Variants in RBFOX3 observed in about 807,000 individuals in gnomAD.
RBFOX3 encodes the protein RNA binding protein fox-1 homolog 3.
A neutral mutation model predicts 48.7 loss-of-function variants in RBFOX3; 17 were observed. The observed-to-expected ratio is 0.35, with a 90% confidence interval of 0.24 to 0.52. The LOEUF (loss-of-function observed/expected upper bound fraction) is 0.52. Ranked by LOEUF, RBFOX3 falls within the 20% of genes least tolerant of loss-of-function variation. The pLI is 0.94. For missense variants in RBFOX3, 382 were observed against 497.5 expected (o/e 0.77, Z 2.21); for synonymous variants, 212 against 209.5 (o/e 1.01, Z -0.10).
the RBFOX3 span, among the ~76,000 whole-genome samples, chr17:79,665,249 T>C: frequency 2.6e-5 from 4 of 152,198 alleles, 1 homozygote; most frequent in Non-Finnish European, 4.4e-5. Flanking sequence ...TTACATCCCC[T>C]TTTTATCTCT....
Position 79,093,956 on chromosome 17 carries a change from C to A in RBFOX3, c.1077+495G>T, listed in dbSNP as rs181890149. Among the ~76,000 whole-genome samples, 209 of 152,258 alleles carry A rather than the reference C, an allele frequency of 1.4e-3. 1 individual carries two copies. Among genetic ancestry groups the A allele is most frequent in the African/African-American group, 4.7e-3 (195 of 41,548 alleles). On this transcript the variant is annotated intron_variant, in intron 14 of 14. Coordinates refer to ENST00000693108, the MANE Select transcript of RBFOX3 (RefSeq NM_001350451.2). Reference sequence around the variant, plus strand: ...GCCCCCAGGAAGCCAGGAGCTAGAGCCTGGTGAGAAGCAACCGGTAACCCA... The same window carrying A: ...GCCCCCAGGAAGCCAGGAGCTAGAGACTGGTGAGAAGCAACCGGTAACCCA...
At chr17:79,626,474 G>A in the RBFOX3 span, among the ~76,000 whole-genome samples, 2 of 152,228 alleles carry the variant, frequency 1.3e-5, no homozygotes, top group Non-Finnish European at 2.9e-5. Context: ...TGTCTCCGGG[G>A]CTTAATACTA....
chr17:79,267,872 G>T (rs916823086), intron 3 of RBFOX3, among the ~76,000 whole-genome samples: 4 of 152,292 alleles, frequency 2.6e-5, no homozygotes, highest in African/African-American at 7.2e-5. Flanking sequence ...CTAGGAACGC[G>T]CAAGGCAGAG....
At chr17:79,460,641 A>G (rs2075255755) in intron 2 of RBFOX3, among the ~76,000 whole-genome samples, 1 of 152,244 alleles carries the variant, frequency 6.6e-6, no homozygotes, top group Non-Finnish European at 1.5e-5. Flanking sequence ...GGGGCCTAAC[A>G]AAGGTAATGA....
At chr17:79,293,983 G>T (rs567342904) in intron 3 of RBFOX3, among the ~76,000 whole-genome samples, 3 of 152,290 alleles carry the variant, frequency 2.0e-5, no homozygotes, top group Non-Finnish European at 4.4e-5. Context: ...GTCAACTAGG[G>T]CAGGGGAAGC....
At chr17:79,283,645 G>T (rs2071139377) in intron 3 of RBFOX3, among the ~76,000 whole-genome samples, 1 of 152,182 alleles carries the variant, frequency 6.6e-6, no homozygotes, top group African/African-American at 2.4e-5. Context: ...TAGAGACCTG[G>T]TGGGAGGATG....
At chr17:79,156,325 C>T (rs1406328607) in intron 4 of RBFOX3, among the ~76,000 whole-genome samples, 1 of 152,214 alleles carries the variant, frequency 6.6e-6, no homozygotes, top group Admixed American at 6.5e-5. Flanking sequence ...AGGCACCAAC[C>T]ATGGCTTCTC....
rs766164895 is a variant in RBFOX3 at position 79,212,303 on chromosome 17, G to A, written c.-34+23463C>T. Among the ~76,000 whole-genome samples, 5 of 152,078 alleles carry A rather than the reference G, an allele frequency of 3.3e-5. No homozygotes were observed. The highest frequency in any genetic ancestry group is 4.8e-5 in the African/African-American group (2 of 41,406). ...AGGGCTGCTCCGCCTGGGCTCCTAC[G>A]TGACTCCTTTCTCCTCCTCCCCTCC... On this transcript the variant is annotated intron_variant, in intron 4 of 14. Coordinates refer to ENST00000693108, the MANE Select transcript of RBFOX3 (RefSeq NM_001350451.2). The surrounding 1 kb of genome is among the most constrained non-coding windows in gnomAD (Gnocchi z 4.7).
chr17:79,173,880 C>A (rs80147617), intron 4 of RBFOX3, among the ~76,000 whole-genome samples: 4,248 of 149,214 alleles, frequency 0.028, 194 homozygotes, highest in African/African-American at 0.1. Context: ...GAGTACAGAG[C>A]TTTGCACACG....
intron 9 of RBFOX3, chr17:79,099,535 G>C (rs552566131): frequency 1.3e-5 from 2 of 152,414 alleles, no homozygotes; most frequent in Non-Finnish European, 2.9e-5. Context: ...CCCAAGCCCA[G>C]ACTCCCCGGG....
intron 2 of RBFOX3, among the ~76,000 whole-genome samples, chr17:79,359,116 T>G (rs1455330839): frequency 1.3e-5 from 2 of 152,264 alleles, no homozygotes; most frequent in East Asian, 3.9e-4. Context: ...ATTTTATGAG[T>G]GAGGAAGTAA....
Position 79,249,222 on chromosome 17 carries a change from C to T in RBFOX3, c.-73-13417G>A, listed in dbSNP as rs8068871. Among the ~76,000 whole-genome samples the T allele has an allele frequency of 0.33, 50,846 of 151,968 alleles. 10,173 individuals are homozygous for T. The highest frequency in any genetic ancestry group is 0.54 in the Middle Eastern group (158 of 294). On this transcript the variant is annotated intron_variant, in intron 3 of 14. Transcript: ENST00000693108. The surrounding 1 kb of genome is among the most constrained non-coding windows in gnomAD (Gnocchi z 4.1). ...GCTTGCTGGGGCGTCGAAAGCCAAG[C>T]GCGCTCAGGTCTTCAAAGCCACCGT...
intron 2 of RBFOX3, among the ~76,000 whole-genome samples, chr17:79,434,990 G>T (rs1598675871): frequency 1.3e-5 from 2 of 152,308 alleles, no homozygotes; most frequent in South Asian, 4.1e-4. Flanking sequence ...TCCGTGCAAA[G>T]AAAACACCAA....
intron 3 of RBFOX3, among the ~76,000 whole-genome samples, chr17:79,256,937 AC>A (rs1424811989): frequency 1.0e-5 from 1 of 98,068 alleles, no homozygotes. Context: ...AAACAAACAA[AC>A]AAAACAAAAC....
intron 1 of RBFOX3, among the ~76,000 whole-genome samples, chr17:79,571,402 G>A (rs1310554326): frequency 1.3e-5 from 2 of 152,232 alleles, no homozygotes; most frequent in African/African-American, 4.8e-5. Flanking sequence ...TCTCCCTTCT[G>A]CCTATGCCTG....
chr17:79,340,593 T>C (rs2081932604), intron 2 of RBFOX3, among the ~76,000 whole-genome samples: 1 of 152,140 alleles, frequency 6.6e-6, no homozygotes, highest in South Asian at 2.1e-4. Flanking sequence ...TTGGGGGTGA[T>C]TAAAGGCAAC....
chr17:79,518,350 T>C (rs1231620521), intron 1 of RBFOX3, among the ~76,000 whole-genome samples: 1 of 152,348 alleles, frequency 6.6e-6, no homozygotes, highest in African/African-American at 2.4e-5. Context: ...CAGCTACAAA[T>C]GTGCGAGTGA....
At chr17:79,649,551 C>T in the RBFOX3 span, among the ~76,000 whole-genome samples, 2 of 152,136 alleles carry the variant, frequency 1.3e-5, no homozygotes, top group Non-Finnish European at 2.9e-5. Flanking sequence ...ACGAAAAATA[C>T]AAAAACTAGC....
chr17:79,377,560 A>G (rs1459091838), intron 2 of RBFOX3, among the ~76,000 whole-genome samples: 2 of 151,970 alleles, frequency 1.3e-5, no homozygotes, highest in African/African-American at 4.8e-5. Flanking sequence ...CGGCCGAGGA[A>G]CTCCCCTTTG....
Sources: allele counts gnomAD v4.1 joint callset (sites outside exome capture counted in the v4.1 genomes callset), GRCh38; gene constraint gnomAD v4.1.1; non-coding constraint Gnocchi (gnomAD v3.1); transcripts MANE v1.5; gene names NCBI Gene and HGNC (gene_info 2026-07-23, HGNC 2026-07-21).